The following SSBP3 variants were observed in gnomAD, a reference collection of about 807,000 sequenced individuals.
SSBP3 encodes single-stranded DNA-binding protein 3.
In SSBP3, 5 loss-of-function variants were observed where a neutral mutation model predicts 69.6. The ratio of observed to expected loss-of-function variants is 0.07; its 90% confidence interval spans 0.04 to 0.15. SSBP3 has a LOEUF of 0.15. Ranked by LOEUF, SSBP3 falls within the 10% of genes least tolerant of loss-of-function variation. The pLI, the probability that SSBP3 is intolerant of heterozygous loss-of-function variation, is 1.00. For synonymous variants in SSBP3, 196 were observed against 193.4 expected (o/e 1.01, Z -0.11); for missense variants, 312 against 534.0 (o/e 0.58, Z 4.10).
intron 4 of SSBP3, among the ~76,000 whole-genome samples, chr1:54,313,675 G>A (rs1646046404): frequency 1.3e-5 from 2 of 151,794 alleles, no homozygotes; most frequent in Admixed American, 1.3e-4. Context: ...CATCACTTCT[G>A]TGCAGTGCTC....
intron 4 of SSBP3, among the ~76,000 whole-genome samples, chr1:54,372,280 G>A (rs577734471): frequency 1.3e-5 from 2 of 152,288 alleles, no homozygotes; most frequent in Admixed American, 6.5e-5. Flanking sequence ...CTGAGAACAG[G>A]GGCTGGCACA....
At position 54,230,806 on chromosome 1, in the gene SSBP3, T is replaced by C. The variant is rs571664111; in HGVS notation, c.928-1980A>G. On this transcript the variant is annotated intron_variant, in intron 14 of 17. Transcript: ENST00000610401. ...GGCTGGTTTCTTTCACTTAGCATGTTTTCAAGGTTCATCAGTGTTGTCACA... is the reference window on the plus strand; with the variant it reads ...GGCTGGTTTCTTTCACTTAGCATGTCTTCAAGGTTCATCAGTGTTGTCACA... 2.0e-5 allele frequency among the ~76,000 whole-genome samples: 3 copies of C among 152,346 alleles called. No individual in the cohort carries two copies. The East Asian group carries it at 5.8e-4, about 29-fold the overall frequency.
intron 4 of SSBP3, among the ~76,000 whole-genome samples, chr1:54,354,320 G>A (rs190296332): frequency 1.9e-4 from 29 of 152,266 alleles, no homozygotes; most frequent in African/African-American, 5.5e-4. Flanking sequence ...GCAATGACAC[G>A]GTACAGTGAG....
intron 4 of SSBP3, among the ~76,000 whole-genome samples, chr1:54,319,729 C>G (rs1338997675): frequency 6.6e-6 from 1 of 151,824 alleles, no homozygotes; most frequent in Non-Finnish European, 1.5e-5. Flanking sequence ...TGGCCAGAGG[C>G]AGGTTCTGCA....
chr1:54,346,276 G>C (rs925774729), intron 4 of SSBP3, among the ~76,000 whole-genome samples: 1 of 150,814 alleles, frequency 6.6e-6, no homozygotes, highest in Admixed American at 6.6e-5. Context: ...AGTGAGCCTA[G>C]ATCGGGCCAC....
intron 4 of SSBP3, among the ~76,000 whole-genome samples, chr1:54,396,421 G>A (rs1362239673): frequency 6.6e-6 from 1 of 152,146 alleles, no homozygotes; most frequent in Non-Finnish European, 1.5e-5. Context: ...GCTACAGCTA[G>A]TGCCACATTT....
upstream of SSBP3, among the ~76,000 whole-genome samples, chr1:54,410,467 G>A (rs891391982): frequency 1.3e-5 from 2 of 152,230 alleles, no homozygotes; most frequent in African/African-American, 4.8e-5. Context: ...ACAGCTGCTA[G>A]GAGGATGGAT....
chr1:54,300,665 C>T (rs1178190809), intron 4 of SSBP3, among the ~76,000 whole-genome samples: 2 of 152,116 alleles, frequency 1.3e-5, no homozygotes, highest in Non-Finnish European at 1.5e-5. Flanking sequence ...TCTAATTGTT[C>T]CACATGTGTG....
At chr1:54,325,065 A>T (rs543305068) in intron 4 of SSBP3, among the ~76,000 whole-genome samples, 9 of 152,322 alleles carry the variant, frequency 5.9e-5, no homozygotes, top group Admixed American at 4.6e-4. Flanking sequence ...AATGGGGTCT[A>T]AGAATAAACA....
At position 54,228,637 on chromosome 1, in the gene SSBP3, C is replaced by A; in HGVS notation, c.1006+111G>T. The A allele has an allele frequency of 2.0e-6, 3 of 1,476,278 alleles. No individual in the cohort carries two copies. The South Asian group carries it at 3.9e-5, about 19-fold the overall frequency. 91.4% of individuals were successfully genotyped at this position (1,476,278 alleles called of 1,614,324 possible). A position where few individuals can be genotyped will look rare whatever the true frequency, so the allele number is the denominator to read the frequency against. Reference sequence around the variant, plus strand: ...ATCCCTCTCAGGATCGTCCTGTGTGCCCAGCCAAGGCCGGCCAGGGCTCTG... The same window carrying A: ...ATCCCTCTCAGGATCGTCCTGTGTGACCAGCCAAGGCCGGCCAGGGCTCTG... On this transcript the variant is annotated intron_variant, in intron 15 of 17. Coordinates refer to ENST00000610401, the Ensembl canonical transcript of SSBP3.
intron 9 of SSBP3, among the ~76,000 whole-genome samples, chr1:54,251,199 C>T (rs1441888304): frequency 6.6e-6 from 1 of 152,216 alleles, no homozygotes; most frequent in Non-Finnish European, 1.5e-5. Flanking sequence ...GCTAGGAAGG[C>T]CACTCATCTG....
intron 14 of SSBP3, chr1:54,237,519 A>G (rs557081532): frequency 1.3e-5 from 2 of 152,310 alleles, no homozygotes; most frequent in South Asian, 2.1e-4. Context: ...CCTTCTCCAT[A>G]TGCCATTTCT....
At chr1:54,389,990 A>T (rs1245970194) in intron 4 of SSBP3, among the ~76,000 whole-genome samples, 1 of 152,186 alleles carries the variant, frequency 6.6e-6, no homozygotes, top group Non-Finnish European at 1.5e-5. Context: ...AATAGGAATA[A>T]CAGAACTTAA....
chr1:54,261,711 T>A (rs79521497), intron 5 of SSBP3, among the ~76,000 whole-genome samples: 7,978 of 152,238 alleles, frequency 0.052, 310 homozygotes, highest in South Asian at 0.21. Context: ...TCTCCCTCCA[T>A]GAGAGCTGGA....
At chr1:54,393,361 C>G (rs1387897374) in intron 4 of SSBP3, among the ~76,000 whole-genome samples, 1 of 152,218 alleles carries the variant, frequency 6.6e-6, no homozygotes, top group Non-Finnish European at 1.5e-5. Context: ...GGGAAGCTAG[C>G]CCATGATGGT....
At chr1:54,282,457 G>A (rs887209891) in intron 4 of SSBP3, among the ~76,000 whole-genome samples, 2 of 152,226 alleles carry the variant, frequency 1.3e-5, no homozygotes, top group Admixed American at 6.5e-5. Context: ...TGGGGGGACC[G>A]TCATTCCTTT....
At chr1:54,380,794 G>A (rs1242816690) in intron 4 of SSBP3, among the ~76,000 whole-genome samples, 1 of 152,172 alleles carries the variant, frequency 6.6e-6, no homozygotes, top group African/African-American at 2.4e-5. Flanking sequence ...AGTCAAGTCT[G>A]ACAGAGTGTG....
rs544055702 is a variant in SSBP3, at chr1:54,266,748, C to T, written c.367-8599G>A. On this transcript the variant is annotated intron_variant, in intron 5 of 17. Transcript: ENST00000610401. Reference sequence around the variant, plus strand: ...TAATTATCAGAGCCAAGATGTTATGCCCCTGAGGACAAACAGAATGAGCAC... The same window carrying T: ...TAATTATCAGAGCCAAGATGTTATGTCCCTGAGGACAAACAGAATGAGCAC... Among the ~76,000 whole-genome samples the T allele has an allele frequency of 2.6e-5, 4 of 151,780 alleles. No homozygotes were observed. The South Asian group carries it at 6.2e-4, about 24-fold the overall frequency.
intron 4 of SSBP3, among the ~76,000 whole-genome samples, chr1:54,362,725 C>A (rs530899659): frequency 6.6e-6 from 1 of 152,314 alleles, no homozygotes; most frequent in South Asian, 2.1e-4. Context: ...TGGTTTTATT[C>A]ATGTAAGTTC....
Sources: allele counts gnomAD v4.1 joint callset (sites outside exome capture counted in the v4.1 genomes callset), GRCh38; gene constraint gnomAD v4.1.1; transcripts MANE v1.5; gene names NCBI Gene and HGNC (gene_info 2026-07-23, HGNC 2026-07-21).